OTC: variants seen among roughly 807,000 people sequenced by gnomAD.
OTC encodes ornithine transcarbamylase.
In OTC, 3 loss-of-function variants were observed where a neutral mutation model predicts 30.3. The observed-to-expected ratio is 0.10, with a 90% CI of 0.05 to 0.26. OTC has a LOEUF of 0.26. OTC is among the 10% of genes least tolerant of loss of function. The pLI, the probability that OTC is intolerant of heterozygous loss-of-function variation, is 1.00. For synonymous variants in OTC, 111 were observed against 99.7 expected (o/e 1.11, Z -0.67); for missense variants, 194 against 260.3 (o/e 0.75, Z 1.75).
chrX:38,342,696 T>C, the OTC span, among the ~76,000 whole-genome samples: 2 of 111,560 alleles, frequency 1.8e-5, no homozygotes, highest in African/African-American at 6.5e-5. Flanking sequence ...AGTTGAAAAA[T>C]TCTGGAGGAA....
intron 4 of OTC, among the ~76,000 whole-genome samples, chrX:38,388,689 T>C (rs1386970372): frequency 1.8e-5 from 2 of 111,792 alleles, no homozygotes; most frequent in Non-Finnish European, 3.8e-5. Context: ...TCTTCTAATA[T>C]AGTACTTAGT....
chrX:38,422,422 A>G (rs1334346164), downstream of OTC, among the ~76,000 whole-genome samples: 5 of 112,097 alleles, frequency 4.5e-5, no homozygotes, highest in South Asian at 1.5e-3. Flanking sequence ...AGCAGAGAGT[A>G]GAACAAGGTG....
chrX:38,372,387 G>A (rs1312326037), intron 3 of OTC, among the ~76,000 whole-genome samples: 3 of 111,561 alleles, frequency 2.7e-5, no homozygotes, highest in African/African-American at 6.5e-5. Flanking sequence ...AGGATTGGAA[G>A]CTATTACTAT....
intron 4 of OTC, among the ~76,000 whole-genome samples, chrX:38,392,987 C>A (rs143495012): frequency 8.9e-6 from 1 of 112,366 alleles, no homozygotes; most frequent in East Asian, 2.8e-4. Flanking sequence ...ACCAAGTCAA[C>A]GGCGTAAATA....
At chrX:38,358,620 A>ATT (rs1194488054) in intron 1 of OTC, among the ~76,000 whole-genome samples, 14,096 of 88,149 alleles carry the variant, frequency 0.16, 1,374 homozygotes, top group Non-Finnish European at 0.23. Flanking sequence ...CTGTGGTGGA[A>ATT]TTTTTTTTTT....
rs1411406086 is a variant in OTC at position 38,411,885 on chromosome X, C to T, written c.891C>T (p.Asp297=). The T allele has an allele frequency of 8.3e-7, 1 of 1,211,240 alleles. No homozygotes were observed. Among genetic ancestry groups the T allele is most frequent in the Non-Finnish European group, 1.1e-6 (1 of 895,008 alleles). ...TMKTAKVAAS[D]WTFLHCLPRK... ...AGACTGCTAAAGTTGCTGCCTCTGACTGGACATTTTTACACTGCTTGCCCA... is the reference window on the plus strand; with the variant it reads ...AGACTGCTAAAGTTGCTGCCTCTGATTGGACATTTTTACACTGCTTGCCCA... Residue 297 remains aspartate (D), a synonymous_variant, in exon 9 of 10, where the codon GAC becomes GAT. Coordinates refer to ENST00000039007, the MANE Select transcript of OTC (RefSeq NM_000531.6).
chrX:38,395,046 C>T (rs905304421), intron 4 of OTC, among the ~76,000 whole-genome samples: 2 of 110,988 alleles, frequency 1.8e-5, no homozygotes, highest in Non-Finnish European at 3.8e-5. Context: ...GGTCTTGGCT[C>T]ACTGCAATCT....
intron 9 of OTC, among the ~76,000 whole-genome samples, chrX:38,417,625 G>C (rs1426303707): frequency 9.0e-6 from 1 of 111,627 alleles, no homozygotes; most frequent in Admixed American, 9.5e-5. Context: ...CTCAGCACCG[G>C]GCCTGGCATG....
In OTC at chrX:38,421,391, T is replaced by C; in HGVS notation, c.*309T>C. On this transcript the variant is annotated 3_prime_UTR_variant, in exon 10 of 10. Coordinates refer to ENST00000039007, the MANE Select transcript of OTC (RefSeq NM_000531.6). Reference sequence around the variant, plus strand: ...TACTGTGTTCATAATGTATAATGTCTAAGCCATTAAGTGTAATCTATGCTT... The same window carrying C: ...TACTGTGTTCATAATGTATAATGTCCAAGCCATTAAGTGTAATCTATGCTT... 1 of 252,227 alleles carries C rather than the reference T, an allele frequency of 4.0e-6. No individual in the cohort carries two copies. Among genetic ancestry groups the C allele is most frequent in the Non-Finnish European group, 7.2e-6 (1 of 139,298 alleles). 20.8% of individuals were successfully genotyped at this position (252,227 alleles called of 1,213,427 possible).
In OTC at chrX:38,415,104, A is replaced by T. The variant is rs1305268128; in HGVS notation, c.1005+3105A>T. 2.7e-5 allele frequency among the ~76,000 whole-genome samples: 3 copies of T among 110,316 alleles called. No individual in the cohort carries two copies. The Admixed American group carries it at 2.9e-4, about 11-fold the overall frequency. On this transcript the variant is annotated intron_variant, in intron 9 of 9. Transcript: ENST00000039007. ...TTATTATTTTTATTTTTTGAGACAG[A>T]GTCTCGCTCTGTCACCCAGGTTGGA...
intron 3 of OTC, among the ~76,000 whole-genome samples, chrX:38,375,418 C>T (rs1323347663): frequency 9.0e-6 from 1 of 111,591 alleles, no homozygotes; most frequent in Non-Finnish European, 1.9e-5. Flanking sequence ...CTGTGGGGAG[C>T]CCAGGGTGAA....
At chrX:38,354,708 C>T (rs1357915462) in intron 1 of OTC, among the ~76,000 whole-genome samples, 1 of 111,180 alleles carries the variant, frequency 9.0e-6, no homozygotes, top group Non-Finnish European at 1.9e-5. Flanking sequence ...CCTCGAGTCA[C>T]CCATGTTGTT....
chrX:38,397,341 C>T (rs749741194), intron 4 of OTC, among the ~76,000 whole-genome samples: 16 of 112,220 alleles, frequency 1.4e-4, no homozygotes, highest in African/African-American at 5.2e-4. Context: ...AGCAGTGCCT[C>T]TGCCATTTAA....
In OTC at chrX:38,379,831, A is replaced by G. The variant is rs755672557; in HGVS notation, c.299-1511A>G. 7.2e-5 allele frequency among the ~76,000 whole-genome samples: 8 copies of G among 110,818 alleles called. No homozygotes were observed. The South Asian group carries it at 1.2e-3, about 16-fold the overall frequency. ...TTTTTAGTAGAGATGGGATTTCACC[A>G]TGTTAGCCAGGATGGTCTCGATTTC... is the stretch of plus-strand genomic sequence containing the variant. On this transcript the variant is annotated intron_variant, in intron 3 of 9. Coordinates refer to ENST00000039007, the MANE Select transcript of OTC (RefSeq NM_000531.6).
chrX:38,402,114 T>C (rs1052882909), intron 5 of OTC, among the ~76,000 whole-genome samples: 1 of 112,063 alleles, frequency 8.9e-6, no homozygotes, highest in Non-Finnish European at 1.9e-5. Context: ...GCCCATCTTC[T>C]TCCACATTTG....
At chrX:38,416,070 TGAG>T (rs2068569928) in intron 9 of OTC, among the ~76,000 whole-genome samples, 1 of 111,678 alleles carries the variant, frequency 9.0e-6, no homozygotes, top group African/African-American at 3.3e-5. Context: ...TGATTTAAAA[TGAG>T]GATGAAATAA....
chrX:38,345,469 C>T, the OTC span, among the ~76,000 whole-genome samples: 1 of 110,662 alleles, frequency 9.0e-6, no homozygotes, highest in African/African-American at 3.3e-5. Flanking sequence ...TACTGATACC[C>T]CAAGCACTGA....
At chrX:38,344,081 G>A in the OTC span, among the ~76,000 whole-genome samples, 5 of 111,683 alleles carry the variant, frequency 4.5e-5, no homozygotes, top group Non-Finnish European at 9.4e-5. Context: ...AGGAGGCAGA[G>A]GTTGCCATGA....
chrX:38,349,798 G>A (rs1378008969), upstream of OTC, among the ~76,000 whole-genome samples: 1 of 112,186 alleles, frequency 8.9e-6, no homozygotes, highest in Non-Finnish European at 1.9e-5. Context: ...AGGTATGTAG[G>A]GGAAGACCGA....
Sources: allele counts gnomAD v4.1 joint callset (sites outside exome capture counted in the v4.1 genomes callset), GRCh38; gene constraint gnomAD v4.1.1; transcripts MANE v1.5; gene names NCBI Gene and HGNC (gene_info 2026-07-23, HGNC 2026-07-21).